DCLK1: variants seen among roughly 807,000 people sequenced by gnomAD.
The protein encoded by DCLK1 is doublecortin like kinase 1, also known as serine/threonine-protein kinase DCLK1.
DCLK1 carries 16 observed loss-of-function variants against 86.2 expected under a neutral mutation model. That is an observed-to-expected ratio of 0.19 (90% CI 0.13 to 0.28). DCLK1 has a LOEUF of 0.28. Among genes scored for constraint, DCLK1 ranks in the 10% least tolerant of loss-of-function variants. DCLK1 has a pLI of 1.00. For missense variants in DCLK1, 590 were observed against 940.2 expected, an observed-to-expected ratio of 0.63 and a Z score of 4.87; for synonymous variants, 369 against 370.5, an observed-to-expected ratio of 1.00 and a Z score of 0.05.
At chr13:35,980,665 G>A (rs1332015536) in intron 3 of DCLK1, among the ~76,000 whole-genome samples, 4 of 152,040 alleles carry the variant, frequency 2.6e-5, no homozygotes, top group African/African-American at 7.2e-5. Context: ...GGCTGGGTGC[G>A]GGGATGGTTT....
intron 11 of DCLK1, among the ~76,000 whole-genome samples, chr13:35,815,348 G>A (rs1044440704): frequency 6.6e-5 from 10 of 152,176 alleles, no homozygotes; most frequent in African/African-American, 2.4e-4. Context: ...CCTGAACCCA[G>A]TCAAAAGGTT....
chr13:35,795,134 C>T (rs1217963194), intron 15 of DCLK1, among the ~76,000 whole-genome samples: 1 of 152,156 alleles, frequency 6.6e-6, no homozygotes, highest in East Asian at 1.9e-4. Context: ...CTGGTGTGAA[C>T]AGTTACAGCT....
rs1886355194 is a variant in DCLK1, at chr13:36,131,291, T to C, written c.-197A>G. 1 of 154,698 alleles carries C rather than the reference T, an allele frequency of 6.5e-6. No homozygotes were observed. The highest frequency in any genetic ancestry group is 3.2e-3 in the Middle Eastern group (1 of 308). The allele number at this position is 154,698 out of a possible 1,614,324, so 9.6% of individuals were successfully genotyped here. ...AGCGCGGCGCCTCGGTTGCGGCCACTAGTGCAGGGATGTGCCTCGGCCCGT... is the reference window on the plus strand; with the variant it reads ...AGCGCGGCGCCTCGGTTGCGGCCACCAGTGCAGGGATGTGCCTCGGCCCGT... On this transcript the variant is annotated 5_prime_UTR_variant, in exon 1 of 17. It removes the in-frame stop codon of an upstream open reading frame in the 5' UTR. Coordinates refer to ENST00000360631, the MANE Select transcript of DCLK1 (RefSeq NM_001330071.2).
chr13:35,930,819 C>CAT (rs1258343060), intron 4 of DCLK1, among the ~76,000 whole-genome samples: 3 of 152,130 alleles, frequency 2.0e-5, no homozygotes, highest in African/African-American at 7.2e-5. Flanking sequence ...CTAGAATAAC[C>CAT]TAAATAAGGA....
intron 3 of DCLK1, among the ~76,000 whole-genome samples, chr13:35,984,973 A>G (rs1275180001): frequency 6.6e-6 from 1 of 151,984 alleles, no homozygotes; most frequent in Non-Finnish European, 1.5e-5. Context: ...CAGCACCATA[A>G]TTGTGTCTCT....
At chr13:35,835,443 C>CT (rs1318113224) in intron 8 of DCLK1, among the ~76,000 whole-genome samples, 2 of 152,214 alleles carry the variant, frequency 1.3e-5, no homozygotes, top group Non-Finnish European at 2.9e-5. Context: ...TGGGTTGTAA[C>CT]TTTATCAGTT....
intron 4 of DCLK1, among the ~76,000 whole-genome samples, chr13:35,879,986 A>G (rs1474976064): frequency 2.0e-5 from 3 of 152,148 alleles, no homozygotes; most frequent in African/African-American, 7.2e-5. Context: ...CAATGTCTTC[A>G]TTAGGCAATG....
intron 4 of DCLK1, among the ~76,000 whole-genome samples, chr13:35,908,936 G>A (rs1158341786): frequency 6.6e-6 from 1 of 152,144 alleles, no homozygotes; most frequent in Non-Finnish European, 1.5e-5. Flanking sequence ...ACATCTGGCC[G>A]ATTCATACTT....
chr13:35,982,627 G>A (rs576582385), intron 3 of DCLK1, among the ~76,000 whole-genome samples: 3 of 152,214 alleles, frequency 2.0e-5, no homozygotes, highest in Non-Finnish European at 4.4e-5. Flanking sequence ...TAACACAAGC[G>A]ATGCTTCATT....
At chr13:35,810,491 G>A (rs944508006) in intron 12 of DCLK1, among the ~76,000 whole-genome samples, 13 of 152,154 alleles carry the variant, frequency 8.5e-5, no homozygotes, top group Non-Finnish European at 1.6e-4. Context: ...CACCGCACAC[G>A]GCAGTGTCTG....
intron 4 of DCLK1, among the ~76,000 whole-genome samples, chr13:35,887,878 CAAAAAAAAAAAAAAAAAA>C (rs760195385): frequency 0.051 from 1,997 of 38,928 alleles, 50 homozygotes; most frequent in South Asian, 0.17. Context: ...GATCTTGTCT[CAAAAAAAAAAAAAAAAAA>C]AAAAAAAAAA....
intron 7 of DCLK1, 151 bp downstream of exon 7, chr13:35,838,941 G>A (rs545244891): frequency 4.6e-5 from 29 of 634,062 alleles, no homozygotes; most frequent in Admixed American, 3.8e-4. Flanking sequence ...TCCCTGGTGG[G>A]CACCATATTC....
intron 8 of DCLK1, among the ~76,000 whole-genome samples, chr13:35,830,077 A>G (rs527958097): frequency 2.0e-5 from 3 of 152,300 alleles, no homozygotes; most frequent in Admixed American, 6.5e-5. Flanking sequence ...TGTAAACCAA[A>G]TATTTAACAT....
intron 3 of DCLK1, among the ~76,000 whole-genome samples, chr13:36,032,072 T>G (rs893913419): frequency 6.6e-6 from 1 of 152,256 alleles, no homozygotes. Flanking sequence ...GGTTGTCAAC[T>G]GTAAATTAGG....
chr13:35,782,307 G>A (rs907106742), intron 16 of DCLK1, among the ~76,000 whole-genome samples: 1 of 152,064 alleles, frequency 6.6e-6, no homozygotes, highest in African/African-American at 2.4e-5. Flanking sequence ...TTGAGCTCAG[G>A]ACAAAATTTG....
intron 8 of DCLK1, among the ~76,000 whole-genome samples, chr13:35,834,390 G>A (rs9545533): frequency 6.6e-6 from 1 of 152,190 alleles, no homozygotes. Flanking sequence ...CTCCTTATTA[G>A]TGGAGTAAAG....
intron 4 of DCLK1, among the ~76,000 whole-genome samples, chr13:35,920,068 G>A (rs2153126684): frequency 6.6e-6 from 1 of 152,240 alleles, no homozygotes; most frequent in Non-Finnish European, 1.5e-5. Flanking sequence ...TTCCATGTGT[G>A]ATCCTCGTGT....
rs1886154901 is a variant in DCLK1 at position 36,125,841 on chromosome 13, C to A, written c.297G>T (p.Val99=). The A allele has an allele frequency of 1.2e-6, 2 of 1,613,158 alleles. No homozygotes were observed. Among genetic ancestry groups the A allele is most frequent in the East Asian group, 4.5e-5 (2 of 44,814 alleles). ...TTGTTCTCACTCCCTGGGGCAAATTCACGTTATCCGACAGAGTTCGGGTCA... is the reference window on the plus strand; with the variant it reads ...TTGTTCTCACTCCCTGGGGCAAATTAACGTTATCCGACAGAGTTCGGGTCA... ...ADLTRTLSDN[V]NLPQGVRTIY... The change falls in exon 2 of 17, where the codon GTG becomes GTT. Residue 99 remains valine (V), a synonymous_variant. Coordinates refer to ENST00000360631, the MANE Select transcript of DCLK1 (RefSeq NM_001330071.2).
intron 8 of DCLK1, among the ~76,000 whole-genome samples, chr13:35,828,529 G>C (rs1041299148): frequency 6.6e-6 from 1 of 152,038 alleles, no homozygotes; most frequent in Admixed American, 6.6e-5. Context: ...GAGAAATCTT[G>C]GGCTATTTAT....
Sources: gnomAD v4.1 joint callset for allele counts (sites outside exome capture counted in the v4.1 genomes callset) on GRCh38, gnomAD v4.1.1 for gene constraint, MANE v1.5 for transcripts, NCBI Gene and HGNC (gene_info 2026-07-23, HGNC 2026-07-21) for gene names.